The following USP49 variants were observed in gnomAD, a reference collection of about 807,000 sequenced individuals.
USP49 encodes the protein ubiquitin carboxyl-terminal hydrolase 49.
In USP49, 24 loss-of-function variants were observed where a neutral mutation model predicts 58.6. The observed-to-expected ratio is 0.41, with a 90% CI of 0.30 to 0.58. USP49 has a LOEUF of 0.58. Among genes scored for constraint, USP49 ranks in the 20% least tolerant of loss-of-function variants. USP49 has a pLI of 0.30. For missense variants in USP49, 703 were observed against 866.1 expected (o/e 0.81, Z 2.36); for synonymous variants, 408 against 365.1 (o/e 1.12, Z -1.34).
intron 7 of USP49, 51 bp downstream of exon 7, chr6:41,798,673 C>T: frequency 6.2e-7 from 1 of 1,613,006 alleles, no homozygotes; most frequent in Non-Finnish European, 8.5e-7. Context: ...AAAATGTGGA[C>T]AAATCAACCC....
intron 2 of USP49, among the ~76,000 whole-genome samples, chr6:41,879,064 G>T (rs956599141): frequency 6.6e-6 from 1 of 152,226 alleles, no homozygotes; most frequent in African/African-American, 2.4e-5. Flanking sequence ...ACTCAACTAT[G>T]AATCTGCACT....
At chr6:41,866,121 C>T (rs1199555149) in intron 3 of USP49, among the ~76,000 whole-genome samples, 2 of 151,760 alleles carry the variant, frequency 1.3e-5, no homozygotes, top group African/African-American at 4.8e-5. Flanking sequence ...AGGGTTTCAC[C>T]GTGTTAGCCA....
chr6:41,830,422 T>C (rs1457153574), intron 3 of USP49, among the ~76,000 whole-genome samples: 2 of 152,238 alleles, frequency 1.3e-5, no homozygotes, highest in African/African-American at 4.8e-5. Flanking sequence ...TAGTGTCTAC[T>C]TTAACCCCTA....
At chr6:41,819,657 A>G (rs1220454393) in intron 3 of USP49, among the ~76,000 whole-genome samples, 1 of 152,176 alleles carries the variant, frequency 6.6e-6, no homozygotes, top group African/African-American at 2.4e-5. Context: ...GTGGCTTCTT[A>G]AAAGTATTAG....
chr6:41,802,481 T>A lies in USP49; in HGVS notation c.1561+1325A>T, dbSNP rs1348596275. 1.4e-3 allele frequency among the ~76,000 whole-genome samples: 101 copies of A among 72,246 alleles called. 7 individuals carry two copies. Among genetic ancestry groups the A allele is most frequent in the African/African-American group, 6.0e-3 (97 of 16,248 alleles). The allele number at this position is 72,246 out of a possible 152,430, so 47.4% of individuals were successfully genotyped here. Reference sequence around the variant, plus strand: ...ATTTATTTATTTATTTTTTATTTATTTTTTTTTTTTGAGACAGCATCTCGC... The same window carrying A: ...ATTTATTTATTTATTTTTTATTTATATTTTTTTTTTGAGACAGCATCTCGC... On this transcript the variant is annotated intron_variant, in intron 5 of 7. Coordinates refer to ENST00000682992, the MANE Select transcript of USP49 (RefSeq NM_001286554.2).
intron 2 of USP49, among the ~76,000 whole-genome samples, chr6:41,880,261 A>T (rs1266180802): frequency 6.6e-6 from 1 of 152,184 alleles, no homozygotes; most frequent in Non-Finnish European, 1.5e-5. Context: ...AAAGATGGGA[A>T]ATAGGAAAGG....
chr6:41,818,541 C>G (rs1376592925), intron 3 of USP49, among the ~76,000 whole-genome samples: 1 of 152,152 alleles, frequency 6.6e-6, no homozygotes, highest in Non-Finnish European at 1.5e-5. Context: ...ATTCATAGGG[C>G]TGATGTTAAA....
intron 3 of USP49, among the ~76,000 whole-genome samples, chr6:41,869,184 A>G (rs1582032077): frequency 6.6e-6 from 1 of 151,040 alleles, no homozygotes; most frequent in African/African-American, 2.4e-5. Context: ...AATTGTCTAC[A>G]CCACCTAAGA....
intron 3 of USP49, among the ~76,000 whole-genome samples, chr6:41,844,843 T>A (rs1773893786): frequency 6.6e-6 from 1 of 152,228 alleles, no homozygotes; most frequent in South Asian, 2.1e-4. Context: ...GCAAAAATAT[T>A]ACCTATTTTA....
chr6:41,810,721 A>G (rs989757433), intron 3 of USP49, among the ~76,000 whole-genome samples: 1 of 150,676 alleles, frequency 6.6e-6, no homozygotes, highest in Non-Finnish European at 1.5e-5. Flanking sequence ...TAATTTTTGT[A>G]TTTTTAGTAG....
At position 41,790,490 on chromosome 6, in the gene USP49, A is replaced by G. The variant is rs1772778182; in HGVS notation, c.*6043T>C. On this transcript the variant is annotated 3_prime_UTR_variant, in exon 8 of 8. Coordinates refer to ENST00000682992, the MANE Select transcript of USP49 (RefSeq NM_001286554.2). Reference sequence around the variant, plus strand: ...ATAGAAACAGGTCCACCATGGCAATATTTTTTTCTGGCCAGTTTACTAGGC... The same window carrying G: ...ATAGAAACAGGTCCACCATGGCAATGTTTTTTTCTGGCCAGTTTACTAGGC... The G allele has an allele frequency of 6.6e-6, 1 of 151,876 alleles. No homozygotes were observed. The highest frequency in any genetic ancestry group is 1.5e-5 in the Non-Finnish European group (1 of 67,990). The allele number at this position is 151,876 out of a possible 1,614,324, so 9.4% of individuals were successfully genotyped here.
At position 41,805,511 on chromosome 6, in the gene USP49, T is replaced by C. The variant is rs1036970565; in HGVS notation, c.1356+117A>G. The C allele has an allele frequency of 1.0e-5, 12 of 1,149,812 alleles. No homozygotes were observed. The African/African-American group carries it at 1.4e-4, about 13-fold the overall frequency. 71.2% of individuals were successfully genotyped at this position (1,149,812 alleles called of 1,614,324 possible). The stretch of plus-strand genomic sequence containing the variant: ...AAGGTATAATGGCCACCCTCCAAAT[T>C]GCATAATCACAGCAAATGTGGGCTA... On this transcript the variant is annotated intron_variant, in intron 4 of 7. Transcript: ENST00000682992.
chr6:41,842,438 G>A (rs1773843704), intron 3 of USP49, among the ~76,000 whole-genome samples: 1 of 152,062 alleles, frequency 6.6e-6, no homozygotes, highest in Non-Finnish European at 1.5e-5. Flanking sequence ...AGTATTATTT[G>A]TGCCAAACCT....
At chr6:41,807,541 A>G (rs1055255988) in intron 3 of USP49, among the ~76,000 whole-genome samples, 8 of 152,236 alleles carry the variant, frequency 5.3e-5, no homozygotes, top group African/African-American at 1.9e-4. Context: ...CCCGGGCTCA[A>G]GCGATTCTCC....
chr6:41,875,852 C>G (rs1442965729), intron 2 of USP49, among the ~76,000 whole-genome samples: 3 of 152,168 alleles, frequency 2.0e-5, no homozygotes, highest in African/African-American at 7.2e-5. Flanking sequence ...CTGCCTCAGC[C>G]TCCTGAGTAG....
intron 3 of USP49, among the ~76,000 whole-genome samples, chr6:41,829,792 T>A (rs1377922327): frequency 6.6e-6 from 1 of 152,212 alleles, no homozygotes; most frequent in Non-Finnish European, 1.5e-5. Context: ...GTTTTACTGT[T>A]AAGTGTGATG....
At chr6:41,866,855 G>A (rs1165952255) in intron 3 of USP49, among the ~76,000 whole-genome samples, 2 of 152,074 alleles carry the variant, frequency 1.3e-5, no homozygotes, top group African/African-American at 4.8e-5. Context: ...CCCCTGAAAG[G>A]ATCTTGAGGG....
intron 3 of USP49, among the ~76,000 whole-genome samples, chr6:41,826,442 C>T (rs1433220491): frequency 6.6e-6 from 1 of 152,062 alleles, no homozygotes; most frequent in East Asian, 1.9e-4. Flanking sequence ...TTCTAAGAAG[C>T]CAACATATAT....
intron 4 of USP49, among the ~76,000 whole-genome samples, chr6:41,804,898 G>A (rs1367400958): frequency 4.6e-5 from 7 of 152,112 alleles, no homozygotes; most frequent in African/African-American, 7.2e-5. Flanking sequence ...ACAGGCATGC[G>A]CCACCACGCC....
Sources: allele counts gnomAD v4.1 joint callset (sites outside exome capture counted in the v4.1 genomes callset), GRCh38; gene constraint gnomAD v4.1.1; transcripts MANE v1.5; gene names NCBI Gene and HGNC (gene_info 2026-07-23, HGNC 2026-07-21).